ARL1: variants seen among roughly 807,000 people sequenced by gnomAD.
ARL1 encodes the protein ARF like GTPase 1, also known as ADP-ribosylation factor-like protein 1.
Under a neutral mutation model 30.1 loss-of-function variants are expected in ARL1, and 17 were observed. The observed-to-expected ratio is 0.56, with a 90% confidence interval of 0.39 to 0.85. ARL1 has a LOEUF of 0.85. ARL1 is among the 40% of genes least tolerant of loss of function. The probability of loss-of-function intolerance (pLI) is 0.00; values close to 1 mark genes in which losing one functional copy is unlikely to be tolerated. For missense variants in ARL1, 102 were observed against 212.6 expected (o/e 0.48, Z 3.24); for synonymous variants, 58 against 71.7 (o/e 0.81, Z 0.97).
At position 101,401,150 on chromosome 12, in the gene ARL1, G is replaced by A; in HGVS notation, c.248C>T (p.Ser83Leu). Residue 83 changes from serine (S) to leucine (L), a missense_variant, in exon 4 of 6, where the codon TCA (serine) becomes TTA (leucine). Transcript: ENST00000261636. ...TACATAAATGACTGCATCTGTGTTT[G>A]AATAGTAACATCTCCAGTATGGCCT... is the stretch of plus-strand genomic sequence containing the variant. The part of the protein sequence containing the change: ...SIRPYWRCYY[S>L]NTDAVIYVVD... The A allele has an allele frequency of 1.2e-6, 2 of 1,613,062 alleles. No individual in the cohort carries two copies. Among genetic ancestry groups the A allele is most frequent in the Non-Finnish European group, 1.7e-6 (2 of 1,179,298 alleles).
intron 5 of ARL1, 58 bp downstream of exon 5, chr12:101,396,341 G>A (rs73378795): frequency 0.015 from 23,976 of 1,596,670 alleles, 592 homozygotes; most frequent in African/African-American, 0.083. Context: ...ACACGTGGAC[G>A]TGCATAGCTG....
In ARL1 at chr12:101,402,723, T is replaced by C. The variant is rs185654979; in HGVS notation, c.224+142A>G. The C allele has an allele frequency of 5.1e-3, 2,484 of 488,762 alleles. 12 individuals carry two copies. The highest frequency in any genetic ancestry group is 6.9e-3 in the Non-Finnish European group (1,912 of 278,798). The allele number at this position is 488,762 out of a possible 1,614,324, so 30.3% of individuals were successfully genotyped here. A position where few individuals can be genotyped will look rare whatever the true frequency, so the allele number is the denominator to read the frequency against. On this transcript the variant is annotated intron_variant, in intron 3 of 5. Transcript: ENST00000261636. ...TAACTCAATGGATGCTCTAAGGAAA[T>C]AGTTCCCAATTTTACCTCATTTTAA...
At chr12:101,406,477 T>C (rs1871443380) in intron 1 of ARL1, among the ~76,000 whole-genome samples, 1 of 152,148 alleles carries the variant, frequency 6.6e-6, no homozygotes, top group Non-Finnish European at 1.5e-5. Context: ...ACAATAACTA[T>C]TTTTGACAAA....
Position 101,395,504 on chromosome 12 carries a change from C to T in ARL1, c.*136G>A. ...ACTAAATACTTATTTTCCCTATTTACTACAAATATTGCAGTCAGTCAGTAT... is the reference window on the plus strand; with the variant it reads ...ACTAAATACTTATTTTCCCTATTTATTACAAATATTGCAGTCAGTCAGTAT... On this transcript the variant is annotated 3_prime_UTR_variant, in exon 6 of 6. Transcript: ENST00000261636. 2 of 627,552 alleles carry T rather than the reference C, an allele frequency of 3.2e-6. No individual in the cohort carries two copies. Among genetic ancestry groups the T allele is most frequent in the Non-Finnish European group, 5.4e-6 (2 of 367,038 alleles). The allele number at this position is 627,552 out of a possible 1,614,324, so 38.9% of individuals were successfully genotyped here. A position where few individuals can be genotyped will look rare whatever the true frequency, so the allele number is the denominator to read the frequency against.
intron 1 of ARL1, 23 bp downstream of exon 1, chr12:101,407,619 G>C: frequency 1.2e-6 from 2 of 1,609,934 alleles, no homozygotes; most frequent in East Asian, 2.2e-5. Context: ...AGCGCGCCCA[G>C]GTGCCCTTCT....
At chr12:101,396,672 AATT>A in intron 4 of ARL1, 95 bp from the exon 5 acceptor site, 1 of 918,962 alleles carries the variant, frequency 1.1e-6, no homozygotes, top group Non-Finnish European at 1.6e-6. Flanking sequence ...TGTATTTTAT[AATT>A]AATATATTAC....
Position 101,402,860 on chromosome 12 carries a change from C to T in ARL1, c.224+5G>A, listed in dbSNP as rs1353690383. ...CTACCAAATAACCTGGTCTTTGTAC[C>T]ATACCTGATACTTGTCTGTCCTCCT... On this transcript the variant is annotated splice_donor_5th_base_variant and intron_variant, in intron 3 of 5. Coordinates refer to ENST00000261636, the MANE Select transcript of ARL1 (RefSeq NM_001177.6). The T allele has an allele frequency of 2.5e-6, 4 of 1,604,062 alleles. No homozygotes were observed. Among genetic ancestry groups the T allele is most frequent in the Non-Finnish European group, 3.4e-6 (4 of 1,171,876 alleles).
chr12:101,405,942 G>T lies in ARL1; in HGVS notation c.44C>A (p.Thr15Asn). Reference protein sequence around the residue: ...FSSIFSSLFGTREMRILILGL... With the variant: ...FSSIFSSLFGNREMRILILGL... Reference sequence around the variant, plus strand: ...CAAAATTAAAATTCTCATTTCCCGAGTTCCAAACAGACTGGAAAATATACT... The same window carrying T: ...CAAAATTAAAATTCTCATTTCCCGATTTCCAAACAGACTGGAAAATATACT... The change falls in exon 2 of 6, where the codon ACT becomes AAT. Residue 15 changes from threonine to asparagine, a missense_variant. By Grantham distance (65) the Thr-to-Asn change is moderately conservative. Coordinates refer to ENST00000261636, the MANE Select transcript of ARL1 (RefSeq NM_001177.6). The T allele has an allele frequency of 6.4e-7, 1 of 1,570,132 alleles. No individual in the cohort carries two copies. The highest frequency in any genetic ancestry group is 8.6e-7 in the Non-Finnish European group (1 of 1,156,358).
Position 101,407,634 on chromosome 12 carries a change from C to T in ARL1, c.4+8G>A, listed in dbSNP as rs1357191175. The T allele has an allele frequency of 6.2e-7, 1 of 1,611,320 alleles. No individual in the cohort carries two copies. The highest frequency in any genetic ancestry group is 2.2e-5 in the East Asian group (1 of 44,848). ...AGCGCGCCCAGGTGCCCTTCTCGAA[C>T]CCCTCACCCATGATGAACCCCCTGT... On this transcript the variant is annotated splice_region_variant and intron_variant, in intron 1 of 5. Transcript: ENST00000261636.
At chr12:101,404,044 G>A (rs1871374585) in intron 2 of ARL1, among the ~76,000 whole-genome samples, 1 of 152,192 alleles carries the variant, frequency 6.6e-6, no homozygotes, top group African/African-American at 2.4e-5. Context: ...AGTGGTAAGT[G>A]ATACCTTTGA....
intron 3 of ARL1, chr12:101,401,395 A>G (rs2121116986): frequency 6.0e-6 from 2 of 335,082 alleles, no homozygotes; most frequent in Non-Finnish European, 1.1e-5. Context: ...CCAGCATTTT[A>G]GGAGGCTGAG....
Position 101,393,399 on chromosome 12 carries a change from G to A in ARL1, c.*2241C>T, listed in dbSNP as rs1463604107. ...TAGAAAGAAACGTTTGGTATCATTC[G>A]TCCAGATCCCATTTTACAGAAAAGA... is the stretch of plus-strand genomic sequence containing the variant. On this transcript the variant is annotated 3_prime_UTR_variant, in exon 6 of 6. Coordinates refer to ENST00000261636, the MANE Select transcript of ARL1 (RefSeq NM_001177.6). 1.3e-5 allele frequency: 2 copies of A among 151,804 alleles called. No homozygotes were observed. Among genetic ancestry groups the A allele is most frequent in the African/African-American group, 2.4e-5 (1 of 41,298 alleles). The allele number at this position is 151,804 out of a possible 1,614,324, so 9.4% of individuals were successfully genotyped here.
At chr12:101,395,716 T>C in intron 5 of ARL1, 46 bp from the exon 6 acceptor site, 3 of 1,349,418 alleles carry the variant, frequency 2.2e-6, no homozygotes, top group Middle Eastern at 1.8e-4. Flanking sequence ...TTTTCAGGTA[T>C]AAAGCATGAT....
intron 1 of ARL1, among the ~76,000 whole-genome samples, chr12:101,406,409 A>G (rs575132836): frequency 3.0e-4 from 45 of 152,324 alleles, no homozygotes; most frequent in African/African-American, 9.4e-4. Context: ...ACCAACTTCA[A>G]TCAGAGTTCT....
chr12:101,403,226 C>A, intron 2 of ARL1: 1 of 470,546 alleles, frequency 2.1e-6, no homozygotes, highest in Non-Finnish European at 4.1e-6. Flanking sequence ...TCAATACCAT[C>A]TTCAGGATAT....
rs1565813747 is a variant in ARL1 at position 101,394,556 on chromosome 12, C to T, written c.*1084G>A. ...AAGATTTTGATTTTTAACAAGTTTA[C>T]ATGTCCAATTACATGTAGATAAAAG... On this transcript the variant is annotated 3_prime_UTR_variant, in exon 6 of 6. Coordinates refer to ENST00000261636, the MANE Select transcript of ARL1 (RefSeq NM_001177.6). 1 of 152,162 alleles carries T rather than the reference C, an allele frequency of 6.6e-6. No individual in the cohort carries two copies. The highest frequency in any genetic ancestry group is 1.5e-5 in the Non-Finnish European group (1 of 68,022). 9.4% of individuals were successfully genotyped at this position (152,162 alleles called of 1,614,324 possible). A position where few individuals can be genotyped will look rare whatever the true frequency, so the allele number is the denominator to read the frequency against.
intron 1 of ARL1, among the ~76,000 whole-genome samples, chr12:101,406,389 T>C (rs1300094466): frequency 6.6e-6 from 1 of 152,154 alleles, no homozygotes; most frequent in East Asian, 1.9e-4. Context: ...ACAGCAGCAG[T>C]ACCACTATAA....
chr12:101,399,236 C>T, intron 4 of ARL1, among the ~76,000 whole-genome samples: 1 of 152,050 alleles, frequency 6.6e-6, no homozygotes, highest in East Asian at 1.9e-4. Flanking sequence ...GTGGCTCATG[C>T]CTGTAATCCC....
chr12:101,405,490 G>A (rs1029037505), intron 2 of ARL1, among the ~76,000 whole-genome samples: 4 of 152,218 alleles, frequency 2.6e-5, no homozygotes, highest in South Asian at 2.1e-4. Flanking sequence ...AGCCCAACCC[G>A]GCCGTAAACC....
Sources: gnomAD v4.1 joint callset for allele counts (sites outside exome capture counted in the v4.1 genomes callset) on GRCh38, gnomAD v4.1.1 for gene constraint, MANE v1.5 for transcripts, NCBI Gene and HGNC (gene_info 2026-07-23, HGNC 2026-07-21) for gene names.